POLR3B: variants seen among roughly 807,000 people sequenced by gnomAD.
The protein encoded by POLR3B is DNA-directed RNA polymerase III subunit RPC2.
POLR3B carries 96 observed loss-of-function variants against 147.4 expected under a neutral mutation model. The observed-to-expected ratio is 0.65, with a 90% CI of 0.55 to 0.77. The LOEUF (loss-of-function observed/expected upper bound fraction) is 0.77. Ranked by LOEUF, POLR3B falls within the 30% of genes least tolerant of loss-of-function variation. The probability of loss-of-function intolerance (pLI) is 0.00; values close to 1 mark genes in which losing one functional copy is unlikely to be tolerated. For missense variants in POLR3B, 1,036 were observed against 1,413.5 expected (o/e 0.73, Z 4.28); for synonymous variants, 461 against 485.9 (o/e 0.95, Z 0.67).
At chr12:106,483,893 G>A (rs747084288) in intron 23 of POLR3B, among the ~76,000 whole-genome samples, 3 of 152,146 alleles carry the variant, frequency 2.0e-5, no homozygotes. Context: ...GAAAGCCCTC[G>A]GATTGACGAA....
At chr12:106,373,388 C>G (rs190587939) in intron 6 of POLR3B, among the ~76,000 whole-genome samples, 4 of 152,184 alleles carry the variant, frequency 2.6e-5, no homozygotes, top group African/African-American at 7.2e-5. Context: ...TTTGTCTGCT[C>G]TTAGCATAGC....
intron 23 of POLR3B, among the ~76,000 whole-genome samples, chr12:106,477,191 G>T (rs546454991): frequency 2.3e-3 from 275 of 121,346 alleles, no homozygotes; most frequent in Non-Finnish European, 3.7e-3. Flanking sequence ...GGGGTCAGGG[G>T]TCAGGGACCC....
chr12:106,436,244 CCT>C (rs2037574588), intron 16 of POLR3B, among the ~76,000 whole-genome samples: 1 of 152,160 alleles, frequency 6.6e-6, no homozygotes, highest in Admixed American at 6.5e-5. Flanking sequence ...GTTACTTGCT[CCT>C]CTCTGTAAGA....
At chr12:106,381,217 C>G (rs909324234) in intron 9 of POLR3B, among the ~76,000 whole-genome samples, 2 of 152,156 alleles carry the variant, frequency 1.3e-5, no homozygotes, top group African/African-American at 4.8e-5. Flanking sequence ...TTTACCACAG[C>G]TATTGACTCT....
At chr12:106,385,033 C>T (rs1364085353) in intron 9 of POLR3B, among the ~76,000 whole-genome samples, 3 of 152,128 alleles carry the variant, frequency 2.0e-5, no homozygotes, top group African/African-American at 4.8e-5. Context: ...ACCATGTTGG[C>T]TAGGCTGGTC....
chr12:106,366,705 C>T lies in POLR3B; in HGVS notation c.210C>T (p.Asp70=), dbSNP rs368827027. The T allele has an allele frequency of 8.1e-6, 13 of 1,612,578 alleles. No homozygotes were observed. The highest frequency in any genetic ancestry group is 1.1e-5 in the Non-Finnish European group (13 of 1,178,696). Residue 70 remains aspartate (D), a synonymous_variant, in exon 4 of 28, where the codon GAC becomes GAT. Transcript: ENST00000228347. ...ATGAAAAGGTTACAAGTGACGCTGA[C>T]CCTATGTGGTACTTAAAGTAAGGAA... is the stretch of plus-strand genomic sequence containing the variant. ...KANEKVTSDA[D]PMWYLKYLNI... is the part of the protein sequence containing the mutation.
intron 1 of POLR3B, chr12:106,358,319 T>A: frequency 1.9e-6 from 2 of 1,059,896 alleles, no homozygotes; most frequent in Non-Finnish European, 1.2e-6. Context: ...GCTCAGGCCA[T>A]TTGCATGAGG....
chr12:106,492,539 A>C lies in POLR3B; in HGVS notation c.2714-3516A>C, dbSNP rs181766972. The stretch of plus-strand genomic sequence containing the variant: ...CAAGAGAGTGAGACCCTGTCTAAGA[A>C]AAGAAAAAATGAGTATGTTTAAAGA... On this transcript the variant is annotated intron_variant, in intron 23 of 27. Coordinates refer to ENST00000228347, the MANE Select transcript of POLR3B (RefSeq NM_018082.6). 9.3e-4 allele frequency among the ~76,000 whole-genome samples: 142 copies of C among 152,370 alleles called. 1 individual carries two copies. Among genetic ancestry groups the C allele is most frequent in the African/African-American group, 3.3e-3 (138 of 41,592 alleles).
At position 106,427,240 on chromosome 12, in the gene POLR3B, C is replaced by G. The variant is rs1843725257; in HGVS notation, c.1145C>G (p.Ser382Cys). ...GAAGACTTGTTCAAAAAATTTAATT[C>G]TGAAATGAAAAAGATTGCCGACCAG... ...LFEDLFKKFN[S>C]EMKKIADQVI... Residue 382 changes from serine (S) to cysteine (C), a missense_variant, in exon 13 of 28, where the codon TCT becomes TGT. Physicochemically the swap from Ser to Cys is moderately radical, Grantham distance 112. Around this residue, in one of 12 missense-constraint regions of POLR3B, gnomAD observed 89 missense variants for 110.9 expected, o/e 0.80. Transcript: ENST00000228347. The G allele has an allele frequency of 3.2e-6, 5 of 1,566,582 alleles. No individual in the cohort carries two copies. The highest frequency in any genetic ancestry group is 1.8e-5 in the Admixed American group (1 of 56,356).
Position 106,378,380 on chromosome 12 carries a change from A to C in POLR3B, c.610A>C (p.Thr204Pro). 6.3e-7 allele frequency: 1 copy of C among 1,595,214 alleles called. No homozygotes were observed. The highest frequency in any genetic ancestry group is 8.6e-7 in the Non-Finnish European group (1 of 1,162,722). ...AAAAGGGGCTGTTGGAGCTTCAGTTACCAGGTATGGAAAGCAGAGATGGTG... is the reference window on the plus strand; with the variant it reads ...AAAAGGGGCTGTTGGAGCTTCAGTTCCCAGGTATGGAAAGCAGAGATGGTG... ...DRKGAVGASV[T>P]SSTHEKKSRT... The change falls in exon 8 of 28, where the codon ACC becomes CCC. Residue 204 changes from threonine to proline, a missense_variant. Around this residue, in one of 12 missense-constraint regions of POLR3B, gnomAD observed 217 missense variants for 288.7 expected, o/e 0.75. Transcript: ENST00000228347.
At chr12:106,399,416 C>T (rs889888371) in intron 10 of POLR3B, among the ~76,000 whole-genome samples, 1 of 152,118 alleles carries the variant, frequency 6.6e-6, no homozygotes, top group Non-Finnish European at 1.5e-5. Flanking sequence ...GGATATTATC[C>T]AGGAGAACTT....
intron 12 of POLR3B, among the ~76,000 whole-genome samples, chr12:106,419,116 A>G (rs2037342331): frequency 3.9e-5 from 6 of 152,158 alleles, no homozygotes; most frequent in Admixed American, 3.9e-4. Flanking sequence ...GCCAGTTTCC[A>G]CAGGAAGTTG....
chr12:106,470,855 T>A (rs2038081123), intron 23 of POLR3B, among the ~76,000 whole-genome samples: 1 of 152,078 alleles, frequency 6.6e-6, no homozygotes, highest in Admixed American at 6.6e-5. Flanking sequence ...GGCACCTGCC[T>A]GTATGAGGTG....
intron 25 of POLR3B, among the ~76,000 whole-genome samples, chr12:106,497,274 G>A (rs1307780026): frequency 2.6e-5 from 4 of 151,592 alleles, no homozygotes; most frequent in African/African-American, 9.7e-5. Context: ...AAGCATTAAG[G>A]CTATATGCCT....
chr12:106,413,601 C>T (rs1263448596), intron 12 of POLR3B, among the ~76,000 whole-genome samples: 1 of 151,772 alleles, frequency 6.6e-6, no homozygotes, highest in Non-Finnish European at 1.5e-5. Flanking sequence ...ATTCTTTTGG[C>T]TTTTGTTATT....
At position 106,371,669 on chromosome 12, in the gene POLR3B, C is replaced by G. The variant is rs566770373; in HGVS notation, c.404+1986C>G. On this transcript the variant is annotated intron_variant, in intron 6 of 27. Coordinates refer to ENST00000228347, the MANE Select transcript of POLR3B (RefSeq NM_018082.6). ...ATGGATGAAAATGGAAATCATCATT[C>G]TCAGTAAACTATCGCAAGAACAAAA... Among the ~76,000 whole-genome samples the G allele has an allele frequency of 3.6e-5, 5 of 140,298 alleles. 1 individual carries two copies. In the South Asian group the frequency reaches 1.3e-3, roughly 36 times the overall value. 92.0% of individuals were successfully genotyped at this position (140,298 alleles called of 152,430 possible).
At chr12:106,413,748 T>G (rs749549135) in intron 12 of POLR3B, among the ~76,000 whole-genome samples, 1 of 152,120 alleles carries the variant, frequency 6.6e-6, no homozygotes, top group Non-Finnish European at 1.5e-5. Flanking sequence ...TCTCTTCAAG[T>G]GTTGCCTATT....
chr12:106,443,868 A>C (rs1438879018), intron 18 of POLR3B, among the ~76,000 whole-genome samples: 1 of 125,974 alleles, frequency 7.9e-6, no homozygotes, highest in Non-Finnish European at 1.7e-5. Context: ...CTCTCTCGCC[A>C]GGCTGGAGTG....
intron 19 of POLR3B, among the ~76,000 whole-genome samples, chr12:106,450,059 T>A (rs528665403): frequency 6.6e-6 from 1 of 152,186 alleles, no homozygotes; most frequent in African/African-American, 2.4e-5. Flanking sequence ...GTCAATGGAA[T>A]TGGCATCAAG....
Sources: gnomAD v4.1 joint callset for allele counts (sites outside exome capture counted in the v4.1 genomes callset) on GRCh38, gnomAD v4.1.1 for gene constraint, gnomAD v4.1.1 regional missense constraint, MANE v1.5 for transcripts, NCBI Gene and HGNC (gene_info 2026-07-23, HGNC 2026-07-21) for gene names.